The following LARGE1 variants were observed in gnomAD, a reference collection of about 807,000 sequenced individuals.
LARGE1 encodes the protein LARGE xylosyl- and glucuronyltransferase 1, also known as xylosyl- and glucuronyltransferase LARGE1.
Under a neutral mutation model 87.6 loss-of-function variants are expected in LARGE1, and 43 were observed. That is an observed-to-expected ratio of 0.49 (90% CI 0.38 to 0.63). The LOEUF is 0.63. Ranked by LOEUF, LARGE1 falls within the 30% of genes least tolerant of loss-of-function variation. LARGE1 has a pLI of 0.00. For missense variants in LARGE1, 802 were observed against 1,000.2 expected, an observed-to-expected ratio of 0.80 and a Z score of 2.67; for synonymous variants, 434 against 394.6, an observed-to-expected ratio of 1.10 and a Z score of -1.18.
intron 6 of LARGE1, among the ~76,000 whole-genome samples, chr22:33,508,820 G>A (rs2070895600): frequency 6.6e-6 from 1 of 152,180 alleles, no homozygotes; most frequent in African/African-American, 2.4e-5. Context: ...GTGTTTGCAT[G>A]CAAAAGGAAA....
At chr22:33,339,486 G>A (rs534044970) in intron 9 of LARGE1, among the ~76,000 whole-genome samples, 1 of 152,078 alleles carries the variant, frequency 6.6e-6, no homozygotes, top group Non-Finnish European at 1.5e-5. Context: ...AGGAACATCC[G>A]TAACTCTAGG....
At chr22:33,721,652 A>G (rs1317687911) in intron 2 of LARGE1, among the ~76,000 whole-genome samples, 3 of 152,230 alleles carry the variant, frequency 2.0e-5, no homozygotes, top group Non-Finnish European at 4.4e-5. Flanking sequence ...AAAGAATCAG[A>G]GCAGCCACAC....
intron 1 of LARGE1, among the ~76,000 whole-genome samples, chr22:33,799,247 T>TA (rs1380881930): frequency 6.6e-6 from 1 of 152,138 alleles, no homozygotes; most frequent in East Asian, 1.9e-4. Context: ...CACGTGAAGT[T>TA]AGACTAAGCA....
intron 6 of LARGE1, among the ~76,000 whole-genome samples, chr22:33,456,479 T>G (rs2068136179): frequency 6.6e-6 from 1 of 152,242 alleles, no homozygotes; most frequent in Admixed American, 6.5e-5. Flanking sequence ...CTTCTACATC[T>G]ATGCCTCATC....
intron 1 of LARGE1, among the ~76,000 whole-genome samples, chr22:33,916,713 C>T (rs926522367): frequency 2.6e-5 from 4 of 152,170 alleles, no homozygotes; most frequent in African/African-American, 9.7e-5. Context: ...GCCAAAAAGA[C>T]ACCTTCATCT....
At chr22:33,272,505 G>C (rs2145786013), downstream of LARGE1, among the ~76,000 whole-genome samples, 1 of 152,288 alleles carries the variant, frequency 6.6e-6, no homozygotes, top group East Asian at 1.9e-4. Context: ...ACTTTGACAT[G>C]TACTTTCAAA....
intron 12 of LARGE1, among the ~76,000 whole-genome samples, chr22:33,299,437 A>G (rs1355331869): frequency 1.3e-5 from 2 of 152,150 alleles, no homozygotes; most frequent in East Asian, 1.9e-4. Context: ...CACATAGTAC[A>G]TGCTCACTAC....
intron 6 of LARGE1, among the ~76,000 whole-genome samples, chr22:33,453,040 G>GA (rs1450911704): frequency 2.0e-5 from 3 of 152,172 alleles, no homozygotes; most frequent in Non-Finnish European, 4.4e-5. Context: ...AGCTTTCCCA[G>GA]AAGGAAACTG....
intron 1 of LARGE1, among the ~76,000 whole-genome samples, chr22:33,843,093 C>G (rs1218034433): frequency 6.6e-6 from 1 of 152,168 alleles, no homozygotes; most frequent in African/African-American, 2.4e-5. Flanking sequence ...ATCCTCACAA[C>G]CCAACCCAGG....
chr22:33,876,825 A>C (rs973256139), intron 1 of LARGE1, among the ~76,000 whole-genome samples: 1 of 151,978 alleles, frequency 6.6e-6, no homozygotes, highest in African/African-American at 2.4e-5. Context: ...CAACATAAAA[A>C]AATAAATAAA....
chr22:33,721,459 C>T (rs896869620), intron 2 of LARGE1, among the ~76,000 whole-genome samples: 6 of 152,098 alleles, frequency 3.9e-5, no homozygotes, highest in Admixed American at 3.3e-4. Context: ...CATACAATAT[C>T]GAAATTCACC....
At chr22:33,324,295 A>ACCC (rs34198548) in intron 10 of LARGE1, among the ~76,000 whole-genome samples, 9 of 104,238 alleles carry the variant, frequency 8.6e-5, no homozygotes, top group Admixed American at 4.0e-4. Flanking sequence ...AAAACAAACA[A>ACCC]CCCCCCCCCC....
chr22:33,331,436 T>C (rs1211391051), intron 10 of LARGE1, among the ~76,000 whole-genome samples: 1 of 151,042 alleles, frequency 6.6e-6, no homozygotes, highest in Admixed American at 6.6e-5. Context: ...TGACGGAGTC[T>C]TGCTCTTGTT....
chr22:33,848,513 C>A (rs2146482051), intron 1 of LARGE1, among the ~76,000 whole-genome samples: 2 of 152,202 alleles, frequency 1.3e-5, no homozygotes, highest in Middle Eastern at 3.4e-3. Context: ...AATAACCTGT[C>A]CCCACACCAG....
chr22:33,203,121 G>T (rs1924494063), intron 11 of LARGE1, among the ~76,000 whole-genome samples: 1 of 151,522 alleles, frequency 6.6e-6, no homozygotes, highest in Non-Finnish European at 1.5e-5. Flanking sequence ...GTGTGTGTGT[G>T]TGTGCAAGAG....
At chr22:33,413,754 C>T (rs1209709108) in intron 7 of LARGE1, among the ~76,000 whole-genome samples, 17 of 151,956 alleles carry the variant, frequency 1.1e-4, no homozygotes, top group African/African-American at 2.2e-4. Context: ...TGTGACCCAC[C>T]GCACCCGGCC....
At chr22:33,425,035 G>C (rs962708955) in intron 7 of LARGE1, among the ~76,000 whole-genome samples, 1 of 151,944 alleles carries the variant, frequency 6.6e-6, no homozygotes, top group African/African-American at 2.4e-5. Context: ...AGGTGGAAAC[G>C]GGTGGATCAT....
At chr22:33,701,138 C>A (rs372899561) in intron 2 of LARGE1, among the ~76,000 whole-genome samples, 2 of 152,074 alleles carry the variant, frequency 1.3e-5, no homozygotes, top group African/African-American at 2.4e-5. Flanking sequence ...GGAGTGGTCA[C>A]GGCCTGGAGG....
intron 1 of LARGE1, among the ~76,000 whole-genome samples, chr22:33,879,276 TA>T (rs2064589554): frequency 6.6e-6 from 1 of 152,194 alleles, no homozygotes; most frequent in Admixed American, 6.5e-5. Context: ...TCTTTTCTTA[TA>T]TACAGCACAT....
Sources: allele counts gnomAD v4.1 joint callset (sites outside exome capture counted in the v4.1 genomes callset), GRCh38; gene constraint gnomAD v4.1.1; transcripts MANE v1.5; gene names NCBI Gene and HGNC (gene_info 2026-07-23, HGNC 2026-07-21).